ABCC9: variants seen among roughly 807,000 people sequenced by gnomAD.
The protein encoded by ABCC9 is ATP binding cassette subfamily C member 9.
Under a neutral mutation model 188.3 loss-of-function variants are expected in ABCC9, and 95 were observed. The observed-to-expected ratio is 0.50, with a 90% CI of 0.43 to 0.60. The LOEUF is 0.60. Ranked by LOEUF, ABCC9 falls within the 20% of genes least tolerant of loss-of-function variation. The pLI is 0.00. For synonymous variants in ABCC9, 659 were observed against 652.7 expected, an observed-to-expected ratio of 1.01 and a Z score of -0.15; for missense variants, 1,102 against 1,876.3, an observed-to-expected ratio of 0.59 and a Z score of 7.62.
intron 18 of ABCC9, among the ~76,000 whole-genome samples, chr12:21,871,824 C>T (rs1051278307): frequency 2.6e-5 from 4 of 152,080 alleles, no homozygotes; most frequent in Non-Finnish European, 5.9e-5. Flanking sequence ...CAAATGTCCC[C>T]GGGGACAAAA....
intron 30 of ABCC9, among the ~76,000 whole-genome samples, chr12:21,832,249 A>ACTT (rs1428530239): frequency 2.6e-5 from 4 of 152,178 alleles, no homozygotes; most frequent in African/African-American, 9.7e-5. Flanking sequence ...TACTTGAGGG[A>ACTT]GTTCATTGCT....
At chr12:21,844,988 T>C (rs1328746604) in intron 26 of ABCC9, 73 bp from the exon 27 acceptor site, 2 of 1,536,632 alleles carry the variant, frequency 1.3e-6, no homozygotes, top group East Asian at 2.3e-5. Context: ...AAACCAAATG[T>C]CAATGTCAGA....
chr12:21,930,331 A>T (rs1949231611), intron 4 of ABCC9, among the ~76,000 whole-genome samples: 1 of 152,194 alleles, frequency 6.6e-6, no homozygotes, highest in Non-Finnish European at 1.5e-5. Flanking sequence ...TAAAGTTAGG[A>T]TAATTATAAA....
At position 21,852,124 on chromosome 12, in the gene ABCC9, C is replaced by T. The variant is rs1023979870; in HGVS notation, c.2742G>A (p.Met914Ile). 6.2e-7 allele frequency: 1 copy of T among 1,613,688 alleles called. No individual in the cohort carries two copies. ...VELYEHWKTL[M>I]NRQDQELEKD... ...TTTCTAATTCTTGATCTTGCCGATTCATAAGTGTTTTCCAGTGTTCATAAA... is the reference window on the plus strand; with the variant it reads ...TTTCTAATTCTTGATCTTGCCGATTTATAAGTGTTTTCCAGTGTTCATAAA... Residue 914 changes from methionine (M) to isoleucine (I), a missense_variant, in exon 24 of 40, where the codon ATG becomes ATA. Transcript: ENST00000261200.
intron 39 of ABCC9, chr12:21,805,059 GT>G: frequency 6.8e-7 from 1 of 1,476,166 alleles, no homozygotes; most frequent in Non-Finnish European, 9.4e-7. Context: ...CCTGCAGTTA[GT>G]TCCCTCATCT....
chr12:21,861,097 A>T lies in ABCC9; in HGVS notation c.2340-42T>A, dbSNP rs746349861. 4.0e-6 allele frequency: 6 copies of T among 1,500,188 alleles called. No individual in the cohort carries two copies. The South Asian group carries it at 6.8e-5, about 17-fold the overall frequency. The allele number at this position is 1,500,188 out of a possible 1,614,324, so 92.9% of individuals were successfully genotyped here. ...TTTGAATTTTTAGATCTCAATTAAT[A>T]CATTGTCCATAAACTAAGTGCCAAA... is the stretch of plus-strand genomic sequence containing the variant. On this transcript the variant is annotated intron_variant, in intron 20 of 39. Transcript: ENST00000261200.
Position 21,908,208 on chromosome 12 carries a change from T to A in ABCC9, c.1324A>T (p.Ile442Leu). 6.2e-7 allele frequency: 1 copy of A among 1,612,354 alleles called. No homozygotes were observed. The highest frequency in any genetic ancestry group is 1.1e-5 in the South Asian group (1 of 91,042). ...TTATAGAGCAGAATCACGCCCATTATGATCTAGAGAGAAAAACACATGGAA... is the reference window on the plus strand; with the variant it reads ...TTATAGAGCAGAATCACGCCCATTAAGATCTAGAGAGAAAAACACATGGAA... ...PNLWAMPVQI[I>L]MGVILLYNLL... is the part of the protein sequence containing the mutation. Residue 442 changes from isoleucine (I) to leucine (L), a missense_variant, in exon 11 of 40, where the codon ATA becomes TTA. This residue lies in a region of ABCC9 where 305 missense variants were observed against 573.0 expected (regional missense o/e 0.53). Transcript: ENST00000261200.
chr12:21,836,950 C>T (rs1312564022), intron 30 of ABCC9, among the ~76,000 whole-genome samples: 2 of 152,074 alleles, frequency 1.3e-5, no homozygotes, highest in Non-Finnish European at 1.5e-5. Context: ...GCAACAGTGC[C>T]ACTTTTTGCT....
chr12:21,824,875 TTTCTC>T lies in ABCC9; in HGVS notation c.3669+4078_3669+4082del, dbSNP rs555120240. ...TTTTTTATTGCATGTATTTGATTCT[TTTCTC>T]TTTTCTTCTTTATTAGTCTGGCTAG... On this transcript the variant is annotated intron_variant, in intron 31 of 39. Coordinates refer to ENST00000261200, the MANE Select transcript of ABCC9 (RefSeq NM_020297.4). Among the ~76,000 whole-genome samples, 404 of 152,354 alleles carry T rather than the reference TTTCTC, an allele frequency of 2.7e-3. 2 individuals carry two copies. The highest frequency in any genetic ancestry group is 9.0e-3 in the African/African-American group (376 of 41,580).
chr12:21,841,749 G>T (rs116381799), intron 29 of ABCC9, among the ~76,000 whole-genome samples: 3,761 of 152,194 alleles, frequency 0.025, 144 homozygotes, highest in African/African-American at 0.086. Context: ...AAACTCAATA[G>T]ATCAATCCAC....
chr12:21,853,730 G>A (rs1334662434), intron 22 of ABCC9, among the ~76,000 whole-genome samples: 1 of 152,108 alleles, frequency 6.6e-6, no homozygotes, highest in East Asian at 1.9e-4. Flanking sequence ...AAGAAAACTG[G>A]AATGTATCCT....
intron 8 of ABCC9, among the ~76,000 whole-genome samples, chr12:21,912,615 C>T (rs1948373060): frequency 6.6e-6 from 1 of 152,006 alleles, no homozygotes; most frequent in Non-Finnish European, 1.5e-5. Flanking sequence ...TTCTGGCATA[C>T]CGTAAATGCT....
In ABCC9 at chr12:21,845,018, A is replaced by G. The variant is rs1944573849; in HGVS notation, c.3097-103T>C. Reference sequence around the variant, plus strand: ...GTCAGACAAGATTGTTTTCTTCATTATTTTGCATGCATTTAGACGGTTGAA... The same window carrying G: ...GTCAGACAAGATTGTTTTCTTCATTGTTTTGCATGCATTTAGACGGTTGAA... On this transcript the variant is annotated intron_variant, in intron 26 of 39. Transcript: ENST00000261200. 3.5e-6 allele frequency: 5 copies of G among 1,412,468 alleles called. No homozygotes were observed. The Admixed American group carries it at 9.5e-5, about 27-fold the overall frequency. 87.5% of individuals were successfully genotyped at this position (1,412,468 alleles called of 1,614,324 possible). A position where few individuals can be genotyped will look rare whatever the true frequency, so the allele number is the denominator to read the frequency against.
intron 13 of ABCC9, among the ~76,000 whole-genome samples, chr12:21,895,032 G>T (rs1005631415): frequency 6.6e-6 from 1 of 152,166 alleles, no homozygotes; most frequent in Non-Finnish European, 1.5e-5. Flanking sequence ...GTAGCTAGAA[G>T]CCAGGGATGC....
intron 33 of ABCC9, 58 bp downstream of exon 33, chr12:21,817,129 C>A (rs1942698640): frequency 2.6e-6 from 4 of 1,566,148 alleles, no homozygotes; most frequent in Non-Finnish European, 3.5e-6. Context: ...GCCCAACAAA[C>A]ACTAATATTT....
At chr12:21,827,608 T>C (rs899374837) in intron 31 of ABCC9, among the ~76,000 whole-genome samples, 3 of 151,320 alleles carry the variant, frequency 2.0e-5, no homozygotes, top group African/African-American at 7.3e-5. Context: ...CAAGGAATTA[T>C]GGAATTATGG....
chr12:21,883,652 C>T (rs559275541), intron 15 of ABCC9, among the ~76,000 whole-genome samples: 1 of 152,144 alleles, frequency 6.6e-6, no homozygotes, highest in Non-Finnish European at 1.5e-5. Context: ...TAATCTGATA[C>T]ACTCACATAA....
At chr12:21,846,670 T>A (rs1197113488) in intron 25 of ABCC9, among the ~76,000 whole-genome samples, 1 of 152,196 alleles carries the variant, frequency 6.6e-6, no homozygotes, top group Admixed American at 6.5e-5. Context: ...ATGCAGTAAA[T>A]GACTACGTCT....
chr12:21,908,336 C>T (rs953571217), intron 10 of ABCC9, 125 bp from the exon 11 acceptor site: 27 of 1,230,886 alleles, frequency 2.2e-5, no homozygotes, highest in African/African-American at 4.5e-5. Context: ...TGGAAGTCAA[C>T]GGTATTAGGG....
Sources: gnomAD v4.1 joint callset for allele counts (sites outside exome capture counted in the v4.1 genomes callset) on GRCh38, gnomAD v4.1.1 for gene constraint, gnomAD v4.1.1 regional missense constraint, MANE v1.5 for transcripts, NCBI Gene and HGNC (gene_info 2026-07-23, HGNC 2026-07-21) for gene names.